DEPDC1B: variants seen among roughly 807,000 people sequenced by gnomAD.
The protein encoded by DEPDC1B is DEP domain containing 1B, also known as DEP domain-containing protein 1B.
Under a neutral mutation model 66.5 loss-of-function variants are expected in DEPDC1B, and 51 were observed. That is an observed-to-expected ratio of 0.77 (90% CI 0.61 to 0.97). The LOEUF (loss-of-function observed/expected upper bound fraction) is 0.97, where lower values mean the gene tolerates loss of function less well. DEPDC1B is among the 50% of genes least tolerant of loss of function. The probability of loss-of-function intolerance (pLI) is 0.00; values close to 1 mark genes in which losing one functional copy is unlikely to be tolerated. For missense variants in DEPDC1B, 552 were observed against 637.1 expected (o/e 0.87, Z 1.44); for synonymous variants, 226 against 223.6 (o/e 1.01, Z -0.10).
chr5:60,677,351 C>T (rs1305120312), intron 2 of DEPDC1B, among the ~76,000 whole-genome samples: 5 of 151,006 alleles, frequency 3.3e-5, no homozygotes, highest in Non-Finnish European at 7.4e-5. Context: ...CTCTCTCTCT[C>T]TCTCTCTCTC....
At chr5:60,668,975 A>C (rs1753968562) in intron 2 of DEPDC1B, among the ~76,000 whole-genome samples, 1 of 152,210 alleles carries the variant, frequency 6.6e-6, no homozygotes, top group South Asian at 2.1e-4. Context: ...AAACTCCCTT[A>C]GAAAACATCT....
At chr5:60,641,560 T>C (rs1310367103) in intron 6 of DEPDC1B, among the ~76,000 whole-genome samples, 1 of 152,082 alleles carries the variant, frequency 6.6e-6, no homozygotes, top group East Asian at 1.9e-4. Flanking sequence ...TCTCCTGACC[T>C]TGTGATCCAC....
At chr5:60,635,007 T>C (rs929483149) in intron 7 of DEPDC1B, among the ~76,000 whole-genome samples, 19 of 145,826 alleles carry the variant, frequency 1.3e-4, no homozygotes, top group African/African-American at 1.3e-4. Flanking sequence ...TGCGGTGAGC[T>C]GAGATTGCGC....
intron 7 of DEPDC1B, among the ~76,000 whole-genome samples, chr5:60,616,001 C>A (rs939260535): frequency 6.6e-6 from 1 of 152,224 alleles, no homozygotes; most frequent in Non-Finnish European, 1.5e-5. Flanking sequence ...TGCTGTTCTG[C>A]AGCCTCTGCT....
At chr5:60,637,395 C>T (rs144749310) in intron 7 of DEPDC1B, among the ~76,000 whole-genome samples, 11 of 152,286 alleles carry the variant, frequency 7.2e-5, no homozygotes, top group African/African-American at 2.2e-4. Context: ...TGCCTGCTCC[C>T]GTTTTGCCTT....
intron 2 of DEPDC1B, among the ~76,000 whole-genome samples, chr5:60,669,164 T>TA (rs1190378282): frequency 3.3e-5 from 5 of 152,268 alleles, no homozygotes; most frequent in South Asian, 2.1e-4. Context: ...AATTTACTTG[T>TA]AAAAAAATTA....
At chr5:60,651,913 G>GGT (rs1753466591) in intron 2 of DEPDC1B, among the ~76,000 whole-genome samples, 1 of 152,200 alleles carries the variant, frequency 6.6e-6, no homozygotes, top group Admixed American at 6.5e-5. Context: ...GCAATAACCA[G>GGT]GTGTGGATTG....
intron 1 of DEPDC1B, 111 bp from the exon 2 acceptor site, chr5:60,687,338 T>C: frequency 7.7e-7 from 1 of 1,298,880 alleles, no homozygotes; most frequent in Non-Finnish European, 1.1e-6. Context: ...ACTGCTTTAA[T>C]AACAGGTAGA....
intron 1 of DEPDC1B, among the ~76,000 whole-genome samples, chr5:60,693,849 A>C (rs1754597730): frequency 6.6e-6 from 1 of 152,094 alleles, no homozygotes; most frequent in Non-Finnish European, 1.5e-5. Context: ...GGCATAATCA[A>C]GTATGTAGGG....
At chr5:60,649,431 A>G (rs1194006993) in intron 2 of DEPDC1B, among the ~76,000 whole-genome samples, 1 of 152,194 alleles carries the variant, frequency 6.6e-6, no homozygotes, top group Admixed American at 6.5e-5. Context: ...GCAGTTACCA[A>G]TAGAAGGTGT....
chr5:60,623,671 T>A (rs1270018446), intron 7 of DEPDC1B, among the ~76,000 whole-genome samples: 1 of 152,162 alleles, frequency 6.6e-6, no homozygotes, highest in Non-Finnish European at 1.5e-5. Context: ...CTCCAGTTAT[T>A]TAAGTCATCC....
intron 2 of DEPDC1B, among the ~76,000 whole-genome samples, chr5:60,653,428 G>A (rs1350979858): frequency 7.6e-6 from 1 of 131,530 alleles, no homozygotes; most frequent in African/African-American, 3.3e-5. Flanking sequence ...CATGTCCTTA[G>A]CCCACTTTTT....
Position 60,638,773 on chromosome 5 carries a change from A to G in DEPDC1B, c.875T>C (p.Phe292Ser). 6.2e-7 allele frequency: 1 copy of G among 1,610,680 alleles called. No homozygotes were observed. The highest frequency in any genetic ancestry group is 8.5e-7 in the Non-Finnish European group (1 of 1,178,758). ...ACCCAGTACACTGACAAAAGCATCA[A>G]AAAGATGAAATGTAAGTAGAGGCTC... ...LKEPLLTFHL[F>S]DAFVSVLGLL... The change falls in exon 7 of 11, where the codon TTT becomes TCT. Residue 292 changes from phenylalanine (F) to serine (S), a missense_variant. Phe to Ser is a radical substitution (Grantham distance 155, BLOSUM62 -2). Transcript: ENST00000265036.
chr5:60,699,942 C>G, intron 1 of DEPDC1B, 104 bp downstream of exon 1: 1 of 1,378,694 alleles, frequency 7.3e-7, no homozygotes, highest in Non-Finnish European at 9.9e-7. Context: ...ACACCCGAGC[C>G]CCGCTGGCCT....
chr5:60,695,610 T>C (rs868448589), intron 1 of DEPDC1B, among the ~76,000 whole-genome samples: 1 of 152,202 alleles, frequency 6.6e-6, no homozygotes, highest in South Asian at 2.1e-4. Context: ...TGCCATGCTT[T>C]TCTAAATGAA....
At chr5:60,693,499 G>A (rs1003554985) in intron 1 of DEPDC1B, among the ~76,000 whole-genome samples, 1 of 152,218 alleles carries the variant, frequency 6.6e-6, no homozygotes. Flanking sequence ...TTAAAAATGC[G>A]TTCCTCAAAT....
intron 2 of DEPDC1B, chr5:60,647,735 T>G (rs1052728730): frequency 1.2e-5 from 5 of 414,668 alleles, no homozygotes; most frequent in Non-Finnish European, 2.0e-5. Flanking sequence ...TACATATTTT[T>G]TATCAGATAA....
chr5:60,671,172 T>C (rs986360773), intron 2 of DEPDC1B, among the ~76,000 whole-genome samples: 1 of 152,006 alleles, frequency 6.6e-6, no homozygotes, highest in Non-Finnish European at 1.5e-5. Flanking sequence ...AGTAAGGGGA[T>C]TGAGGATGAA....
At chr5:60,635,905 C>A (rs1282345807) in intron 7 of DEPDC1B, among the ~76,000 whole-genome samples, 1 of 152,140 alleles carries the variant, frequency 6.6e-6, no homozygotes, top group Non-Finnish European at 1.5e-5. Context: ...TTTATGTGGG[C>A]CATATTTGGC....
Sources: gnomAD v4.1 joint callset for allele counts (sites outside exome capture counted in the v4.1 genomes callset) on GRCh38, gnomAD v4.1.1 for gene constraint, MANE v1.5 for transcripts, NCBI Gene and HGNC (gene_info 2026-07-23, HGNC 2026-07-21) for gene names.